Variants in ROBO2 observed in about 807,000 individuals in gnomAD.
ROBO2 encodes roundabout guidance receptor 2, also known as roundabout homolog 2.
ROBO2 carries 53 observed loss-of-function variants against 160.8 expected under a neutral mutation model. The observed-to-expected ratio is 0.33, with a 90% CI of 0.26 to 0.41. The LOEUF is 0.41. Among genes scored for constraint, ROBO2 ranks in the 10% least tolerant of loss-of-function variants. ROBO2 has a pLI of 1.00. For synonymous variants in ROBO2, 664 were observed against 611.7 expected (o/e 1.09, Z -1.26); for missense variants, 1,577 against 1,722.4 (o/e 0.92, Z 1.49).
chr3:76,035,256 A>T (rs1433482054), intron 2 of ROBO2, among the ~76,000 whole-genome samples: 1 of 151,752 alleles, frequency 6.6e-6, no homozygotes. Context: ...GTATTTAAGA[A>T]ATAAGGCTTG....
At chr3:77,140,856 C>T (rs1431869260) in intron 2 of ROBO2, among the ~76,000 whole-genome samples, 3 of 152,128 alleles carry the variant, frequency 2.0e-5, no homozygotes, top group African/African-American at 4.8e-5. Context: ...CCTATAATAA[C>T]TCTTCTTTTT....
rs761529150 is a variant in ROBO2, at chr3:77,612,329, T to C, written c.3293+4375T>C. 6.8e-4 allele frequency among the ~76,000 whole-genome samples: 103 copies of C among 152,354 alleles called. 1 individual carries two copies. Among genetic ancestry groups the C allele is most frequent in the Middle Eastern group, 6.8e-3 (2 of 294 alleles). The stretch of plus-strand genomic sequence containing the variant: ...ACTTCATAAAATTTGTAGAGTCATC[T>C]GTTACTTTCTCATCCTTCTTCGGTA... On this transcript the variant is annotated intron_variant, in intron 21 of 25. Transcript: ENST00000461745.
At chr3:77,344,308 G>A (rs2067388643) in intron 2 of ROBO2, among the ~76,000 whole-genome samples, 1 of 152,094 alleles carries the variant, frequency 6.6e-6, no homozygotes, top group Non-Finnish European at 1.5e-5. Flanking sequence ...TTTAAAATAT[G>A]CAAGAGGAAA....
intron 2 of ROBO2, among the ~76,000 whole-genome samples, chr3:76,129,991 G>A (rs1327683697): frequency 1.3e-5 from 2 of 152,038 alleles, no homozygotes; most frequent in Non-Finnish European, 2.9e-5. Context: ...AAAAACATAT[G>A]AGAAGGTTTT....
At chr3:77,119,389 A>G (rs2074526178) in intron 2 of ROBO2, among the ~76,000 whole-genome samples, 1 of 152,338 alleles carries the variant, frequency 6.6e-6, no homozygotes, top group East Asian at 1.9e-4. Context: ...GACTATAGTC[A>G]TATGTGCAGC....
intron 2 of ROBO2, among the ~76,000 whole-genome samples, chr3:76,200,016 A>T (rs1448478430): frequency 6.6e-6 from 1 of 152,148 alleles, no homozygotes; most frequent in East Asian, 1.9e-4. Context: ...TAGGAGAGGG[A>T]TAAAAAAACA....
chr3:77,210,108 A>G (rs1031766270), intron 2 of ROBO2, among the ~76,000 whole-genome samples: 1 of 151,942 alleles, frequency 6.6e-6, no homozygotes, highest in African/African-American at 2.4e-5. Context: ...AGGTAAGCTT[A>G]TGCTTTTTCT....
At chr3:76,377,902 A>C (rs552125813) in intron 2 of ROBO2, among the ~76,000 whole-genome samples, 1 of 152,104 alleles carries the variant, frequency 6.6e-6, no homozygotes, top group Non-Finnish European at 1.5e-5. Context: ...GTTTTCTAGG[A>C]TTGAACTCAG....
At chr3:76,077,692 G>A (rs2068687795) in intron 2 of ROBO2, among the ~76,000 whole-genome samples, 1 of 151,934 alleles carries the variant, frequency 6.6e-6, no homozygotes, top group African/African-American at 2.4e-5. Context: ...TGGCTAAGGA[G>A]GAAACACATG....
intron 2 of ROBO2, among the ~76,000 whole-genome samples, chr3:76,953,261 A>T (rs1319766983): frequency 6.6e-6 from 1 of 152,216 alleles, no homozygotes; most frequent in Non-Finnish European, 1.5e-5. Context: ...TTCGTTTAAA[A>T]TAAAAAAGAT....
At chr3:77,563,972 A>C (rs1210680406) in intron 11 of ROBO2, among the ~76,000 whole-genome samples, 1 of 152,148 alleles carries the variant, frequency 6.6e-6, no homozygotes, top group East Asian at 1.9e-4. Context: ...ATTTGATAAA[A>C]TGCTTACACA....
chr3:76,646,989 GA>G (rs1449444263), intron 2 of ROBO2, among the ~76,000 whole-genome samples: 1 of 152,106 alleles, frequency 6.6e-6, no homozygotes, highest in African/African-American at 2.4e-5. Context: ...TAGAAGCCTG[GA>G]AATGTTAGAA....
intron 2 of ROBO2, among the ~76,000 whole-genome samples, chr3:76,584,312 A>G (rs1005288247): frequency 7.3e-6 from 1 of 137,514 alleles, no homozygotes; most frequent in Non-Finnish European, 1.6e-5. Context: ...TTGTTCCAAG[A>G]CTTCAATATA....
intron 2 of ROBO2, among the ~76,000 whole-genome samples, chr3:76,250,994 C>T (rs945371254): frequency 6.6e-6 from 1 of 152,004 alleles, no homozygotes; most frequent in African/African-American, 2.4e-5. Context: ...GATACTTATG[C>T]TTATAACCAG....
intron 2 of ROBO2, among the ~76,000 whole-genome samples, chr3:76,549,411 C>T (rs2083291445): frequency 6.6e-6 from 1 of 152,094 alleles, no homozygotes; most frequent in African/African-American, 2.4e-5. Context: ...AAAGTGTTGC[C>T]TCTACTGAGA....
At chr3:76,555,636 A>G (rs931353807) in intron 2 of ROBO2, among the ~76,000 whole-genome samples, 1 of 152,156 alleles carries the variant, frequency 6.6e-6, no homozygotes, top group Non-Finnish European at 1.5e-5. Context: ...CCATGACTTA[A>G]GTTGAGAAAT....
intron 2 of ROBO2, among the ~76,000 whole-genome samples, chr3:76,980,646 A>G (rs901670565): frequency 6.6e-6 from 1 of 152,192 alleles, no homozygotes; most frequent in Non-Finnish European, 1.5e-5. Context: ...AAAATTAATA[A>G]TAATCTTGGT....
At chr3:77,525,150 T>C (rs1042718329) in intron 6 of ROBO2, among the ~76,000 whole-genome samples, 3 of 151,052 alleles carry the variant, frequency 2.0e-5, no homozygotes, top group Admixed American at 1.3e-4. Flanking sequence ...CAGGGTCAAC[T>C]GACCCAAGAG....
chr3:76,883,620 T>A (rs909085614), intron 2 of ROBO2, among the ~76,000 whole-genome samples: 2 of 152,156 alleles, frequency 1.3e-5, no homozygotes, highest in Admixed American at 1.3e-4. Context: ...GAAGAAGTCT[T>A]GTATTGTGAT....
Sources: allele counts gnomAD v4.1 joint callset (sites outside exome capture counted in the v4.1 genomes callset), GRCh38; gene constraint gnomAD v4.1.1; transcripts MANE v1.5; gene names NCBI Gene and HGNC (gene_info 2026-07-23, HGNC 2026-07-21).